The following APBA1 variants were observed in gnomAD, a reference collection of about 807,000 sequenced individuals.
The protein encoded by APBA1 is amyloid-beta A4 precursor protein-binding family A member 1.
In APBA1, 55 loss-of-function variants were observed where a neutral mutation model predicts 86.6. That is an observed-to-expected ratio of 0.64 (90% CI 0.51 to 0.80). The LOEUF is 0.80. Ranked by LOEUF, APBA1 falls within the 30% of genes least tolerant of loss-of-function variation. The pLI, the probability that APBA1 is intolerant of heterozygous loss-of-function variation, is 0.00. For synonymous variants in APBA1, 511 were observed against 493.9 expected (o/e 1.03, Z -0.46); for missense variants, 1,090 against 1,183.0 (o/e 0.92, Z 1.15).
intron 2 of APBA1, among the ~76,000 whole-genome samples, chr9:69,512,006 T>C (rs1222828137): frequency 6.6e-6 from 1 of 151,648 alleles, no homozygotes; most frequent in African/African-American, 2.4e-5. Flanking sequence ...CGCACCAGCA[T>C]GGCACACGTA....
At chr9:69,503,350 C>T (rs1835906823) in intron 2 of APBA1, among the ~76,000 whole-genome samples, 1 of 152,094 alleles carries the variant, frequency 6.6e-6, no homozygotes, top group African/African-American at 2.4e-5. Context: ...TGGTCCCGCT[C>T]TTCTAATCTT....
chr9:69,494,742 A>G (rs1455456998), intron 2 of APBA1, among the ~76,000 whole-genome samples: 1 of 152,168 alleles, frequency 6.6e-6, no homozygotes, highest in Non-Finnish European at 1.5e-5. Context: ...GAGAAAAACC[A>G]AAACCACTTT....
intron 1 of APBA1, among the ~76,000 whole-genome samples, chr9:69,586,275 G>A (rs760621505): frequency 2.6e-5 from 4 of 152,162 alleles, no homozygotes; most frequent in Non-Finnish European, 5.9e-5. Flanking sequence ...CTGTATACAA[G>A]CAGCTCAGAA....
intron 2 of APBA1, among the ~76,000 whole-genome samples, chr9:69,514,105 A>G (rs1225615278): frequency 6.6e-6 from 1 of 152,256 alleles, no homozygotes; most frequent in Non-Finnish European, 1.5e-5. Flanking sequence ...TTGCCATGTT[A>G]TCACATTTCT....
chr9:69,644,764 C>T (rs572734671), intron 1 of APBA1, among the ~76,000 whole-genome samples: 55 of 152,318 alleles, frequency 3.6e-4, no homozygotes, highest in Middle Eastern at 3.4e-3. Context: ...AATGGTGACA[C>T]CCCTTGGAAG....
At chr9:69,670,012 G>A (rs753413937) in intron 1 of APBA1, among the ~76,000 whole-genome samples, 10 of 151,974 alleles carry the variant, frequency 6.6e-5, no homozygotes, top group Non-Finnish European at 1.3e-4. Flanking sequence ...AATTCCCTAA[G>A]TACTTTTCTC....
intron 1 of APBA1, among the ~76,000 whole-genome samples, chr9:69,522,318 T>C: frequency 7.8e-6 from 1 of 127,426 alleles, no homozygotes; most frequent in Non-Finnish European, 1.6e-5. Flanking sequence ...TCCCACCCAA[T>C]AGTTGGGGCC....
chr9:69,450,614 A>T (rs1387117730), intron 9 of APBA1, among the ~76,000 whole-genome samples: 1 of 152,164 alleles, frequency 6.6e-6, no homozygotes, highest in African/African-American at 2.4e-5. Flanking sequence ...TGAAAGGGAG[A>T]CACATTCTGT....
chr9:69,535,302 A>G (rs931922042), intron 1 of APBA1, among the ~76,000 whole-genome samples: 3 of 152,206 alleles, frequency 2.0e-5, no homozygotes, highest in African/African-American at 7.2e-5. Flanking sequence ...ACTCTAGCTG[A>G]TGCTCCTGCA....
intron 1 of APBA1, among the ~76,000 whole-genome samples, chr9:69,611,543 C>A (rs1822589286): frequency 6.6e-6 from 1 of 152,076 alleles, no homozygotes; most frequent in Non-Finnish European, 1.5e-5. Context: ...TTTTAAAAAC[C>A]AAACTGGTTT....
chr9:69,537,823 T>C (rs968309811), intron 1 of APBA1, among the ~76,000 whole-genome samples: 3 of 151,774 alleles, frequency 2.0e-5, no homozygotes, highest in African/African-American at 7.3e-5. Flanking sequence ...CTTTTTAACA[T>C]TAAGGGTATT....
intron 1 of APBA1, among the ~76,000 whole-genome samples, chr9:69,586,299 T>C (rs920711906): frequency 3.3e-5 from 5 of 152,212 alleles, no homozygotes; most frequent in African/African-American, 1.2e-4. Flanking sequence ...GATCTCCCTA[T>C]ATTATGCTGT....
intron 1 of APBA1, among the ~76,000 whole-genome samples, chr9:69,608,234 T>C (rs1822514511): frequency 1.3e-5 from 2 of 152,228 alleles, no homozygotes; most frequent in African/African-American, 2.4e-5. Flanking sequence ...ATGAACACTG[T>C]TGACTGCAAA....
At chr9:69,567,062 T>G (rs1837038359) in intron 1 of APBA1, among the ~76,000 whole-genome samples, 1 of 152,174 alleles carries the variant, frequency 6.6e-6, no homozygotes, top group South Asian at 2.1e-4. Flanking sequence ...TCAGTACTGT[T>G]TGAATTTTTT....
At position 69,431,271 on chromosome 9, in the gene APBA1, GA is replaced by G. The variant is rs1834588169; in HGVS notation, c.*55del. 2.8e-6 allele frequency: 4 copies of G among 1,428,680 alleles called. No individual in the cohort carries two copies. The highest frequency in any genetic ancestry group is 3.8e-6 in the Non-Finnish European group (4 of 1,053,468). The allele number at this position is 1,428,680 out of a possible 1,614,324, so 88.5% of individuals were successfully genotyped here. On this transcript the variant is annotated 3_prime_UTR_variant, in exon 13 of 13. Coordinates refer to ENST00000265381, the MANE Select transcript of APBA1 (RefSeq NM_001163.4). ...CAGTGGACACAGGGATGCAGCACGA[GA>G]AACACAACCACGAAGAGGAGAGTCC...
chr9:69,516,753 T>C lies in APBA1; in HGVS notation c.458A>G (p.His153Arg). ...CATGGCTTCCTCGTGCTCCAGCGAG[T>C]GGAAGTGCAGGTGGTTGGGCAGCGC... The part of the protein sequence containing the change: ...RRALPNHLHF[H>R]SLEHEEAMNA... The change falls in exon 2 of 13, where the codon CAC becomes CGC. Residue 153 changes from histidine (H) to arginine (R), a missense_variant. His to Arg is a conservative substitution (Grantham distance 29). Around this residue, in one of 6 missense-constraint regions of APBA1, gnomAD observed 678 missense variants for 647.1 expected, o/e 1.05. Coordinates refer to ENST00000265381, the MANE Select transcript of APBA1 (RefSeq NM_001163.4). This position sits in a 1 kb window ranked among gnomAD's most constrained non-coding sequence, Gnocchi z 7.3. 6.2e-7 allele frequency: 1 copy of C among 1,611,768 alleles called. No individual in the cohort carries two copies.
At chr9:69,512,492 G>A (rs1278608336) in intron 2 of APBA1, among the ~76,000 whole-genome samples, 6 of 152,116 alleles carry the variant, frequency 3.9e-5, no homozygotes, top group African/African-American at 1.4e-4. Context: ...TATAGTTTGT[G>A]ATCTTGCCAT....
chr9:69,643,372 TAGAAGTC>T (rs1181552787), intron 1 of APBA1, among the ~76,000 whole-genome samples: 2 of 152,070 alleles, frequency 1.3e-5, no homozygotes, highest in African/African-American at 4.8e-5. Flanking sequence ...TTGAAAGAAA[TAGAAGTC>T]ACTTAGGCTT....
intron 3 of APBA1, among the ~76,000 whole-genome samples, chr9:69,472,263 T>C (rs1341211764): frequency 6.6e-6 from 1 of 152,162 alleles, no homozygotes; most frequent in African/African-American, 2.4e-5. Flanking sequence ...AGGAGTAAAT[T>C]AAAAACCCTG....
Sources: allele counts gnomAD v4.1 joint callset (sites outside exome capture counted in the v4.1 genomes callset), GRCh38; gene constraint gnomAD v4.1.1; regional missense constraint gnomAD v4.1.1; non-coding constraint Gnocchi (gnomAD v3.1); transcripts MANE v1.5; gene names NCBI Gene and HGNC (gene_info 2026-07-23, HGNC 2026-07-21).